The following RAB38 variants were observed in gnomAD, a reference collection of about 807,000 sequenced individuals.
RAB38 encodes the protein ras-related protein Rab-38.
In RAB38, 15 loss-of-function variants were observed where a neutral mutation model predicts 18.4. The observed-to-expected ratio is 0.82, with a 90% CI of 0.55 to 1.26. The LOEUF is 1.26. Among genes scored for constraint, RAB38 ranks in the 50% most tolerant of loss-of-function variants. The pLI is 0.00. For synonymous variants in RAB38, 101 were observed against 104.4 expected (o/e 0.97, Z 0.20); for missense variants, 294 against 267.4 (o/e 1.10, Z -0.69).
the RAB38 span, among the ~76,000 whole-genome samples, chr11:88,017,770 A>T: frequency 6.7e-6 from 1 of 148,374 alleles, no homozygotes; most frequent in Non-Finnish European, 1.5e-5. Flanking sequence ...AGGTCACCGC[A>T]ATTCCCTGTG....
chr11:87,879,170 C>G, the RAB38 span, among the ~76,000 whole-genome samples: 1 of 151,262 alleles, frequency 6.6e-6, no homozygotes, highest in Non-Finnish European at 1.5e-5. Context: ...TTTACCAATT[C>G]CTACATCAAT....
the RAB38 span, among the ~76,000 whole-genome samples, chr11:87,932,256 C>T: frequency 2.0e-5 from 3 of 152,030 alleles, no homozygotes; most frequent in Admixed American, 1.3e-4. Flanking sequence ...CAAACCTGCA[C>T]GTTCTGCACA....
At chr11:88,100,758 C>A in the RAB38 span, among the ~76,000 whole-genome samples, 10 of 152,030 alleles carry the variant, frequency 6.6e-5, no homozygotes, top group East Asian at 1.6e-3. Context: ...TTTAAAACTG[C>A]AAGACACAAA....
the RAB38 span, among the ~76,000 whole-genome samples, chr11:87,852,360 C>A: frequency 6.6e-6 from 1 of 152,130 alleles, no homozygotes; most frequent in Non-Finnish European, 1.5e-5. Flanking sequence ...GTCCTGAACC[C>A]CATCAACCTT....
intron 2 of RAB38, among the ~76,000 whole-genome samples, chr11:88,148,581 C>T (rs1268176004): frequency 6.6e-6 from 1 of 152,192 alleles, no homozygotes; most frequent in Non-Finnish European, 1.5e-5. Flanking sequence ...AGAGGTTCCT[C>T]CTCAGCCTAT....
chr11:87,944,507 C>T, the RAB38 span, among the ~76,000 whole-genome samples: 1 of 152,096 alleles, frequency 6.6e-6, no homozygotes, highest in African/African-American at 2.4e-5. Flanking sequence ...TGTGCTGAAT[C>T]CTCTTCCTCC....
intron 2 of RAB38, among the ~76,000 whole-genome samples, chr11:88,127,283 G>A (rs753486651): frequency 1.3e-5 from 2 of 152,186 alleles, no homozygotes; most frequent in Non-Finnish European, 2.9e-5. Context: ...GGAAAGATGT[G>A]TATCAATTAT....
chr11:87,833,127 T>C, the RAB38 span, among the ~76,000 whole-genome samples: 2 of 152,184 alleles, frequency 1.3e-5, no homozygotes, highest in South Asian at 4.1e-4. Context: ...AGAGTGATCC[T>C]CTAAAATGTG....
At chr11:87,927,740 GC>G in the RAB38 span, among the ~76,000 whole-genome samples, 1 of 151,894 alleles carries the variant, frequency 6.6e-6, no homozygotes, top group Non-Finnish European at 1.5e-5. Context: ...ACTTTTCTCT[GC>G]TTGTTTTCTG....
the RAB38 span, among the ~76,000 whole-genome samples, chr11:88,025,429 T>A: frequency 6.6e-6 from 1 of 152,170 alleles, no homozygotes. Flanking sequence ...ATGGTAGCTC[T>A]GCTTTACGCT....
At chr11:88,142,293 A>C (rs898151162) in intron 2 of RAB38, among the ~76,000 whole-genome samples, 2 of 152,228 alleles carry the variant, frequency 1.3e-5, no homozygotes, top group African/African-American at 4.8e-5. Flanking sequence ...CAACTCCTCC[A>C]CATGGAAAAC....
At chr11:87,910,221 G>T in the RAB38 span, among the ~76,000 whole-genome samples, 2 of 151,154 alleles carry the variant, frequency 1.3e-5, no homozygotes, top group Admixed American at 6.6e-5. Flanking sequence ...AACTAATTAT[G>T]TTGAGCAAGT....
chr11:88,067,889 C>T, the RAB38 span, among the ~76,000 whole-genome samples: 1 of 151,126 alleles, frequency 6.6e-6, no homozygotes, highest in Non-Finnish European at 1.5e-5. Flanking sequence ...ACGTTCTACA[C>T]ATGTATCCCA....
the RAB38 span, among the ~76,000 whole-genome samples, chr11:88,012,676 G>C: frequency 3.9e-5 from 6 of 152,008 alleles, no homozygotes; most frequent in Non-Finnish European, 8.8e-5. Context: ...AACCAGGTAG[G>C]ACAGCAATAA....
At chr11:88,111,318 A>G (rs766597138), downstream of RAB38, among the ~76,000 whole-genome samples, 2 of 151,192 alleles carry the variant, frequency 1.3e-5, no homozygotes, top group Admixed American at 6.6e-5. Flanking sequence ...TTTCTGCTCC[A>G]CTATCTAGTA....
chr11:87,823,048 C>T, the RAB38 span, among the ~76,000 whole-genome samples: 1 of 152,006 alleles, frequency 6.6e-6, no homozygotes, highest in Non-Finnish European at 1.5e-5. Context: ...AGTATATAAT[C>T]CAAAACTTGA....
At chr11:87,892,596 T>G in the RAB38 span, among the ~76,000 whole-genome samples, 2 of 151,830 alleles carry the variant, frequency 1.3e-5, no homozygotes, top group African/African-American at 2.4e-5. Context: ...GACTAGCCCT[T>G]TTCTACTTCA....
chr11:87,905,766 T>G, the RAB38 span, among the ~76,000 whole-genome samples: 2 of 151,968 alleles, frequency 1.3e-5, no homozygotes, highest in African/African-American at 4.8e-5. Flanking sequence ...GTGCATACTT[T>G]AATAATCAGC....
the RAB38 span, among the ~76,000 whole-genome samples, chr11:87,941,214 G>GAGATATATATATATATATATAT: frequency 4.2e-4 from 26 of 62,550 alleles, no homozygotes; most frequent in Non-Finnish European, 6.1e-4. Context: ...AAATATATGA[G>GAGATATATATATATATATATAT]ATATATATAT....
Sources: gnomAD v4.1 joint callset for allele counts (sites outside exome capture counted in the v4.1 genomes callset) on GRCh38, gnomAD v4.1.1 for gene constraint, MANE v1.5 for transcripts, NCBI Gene and HGNC (gene_info 2026-07-23, HGNC 2026-07-21) for gene names.